Variants in SYT12 observed in about 807,000 individuals in gnomAD.
SYT12 encodes the protein synaptotagmin-12.
Under a neutral mutation model 39.5 loss-of-function variants are expected in SYT12, and 27 were observed. The observed-to-expected ratio is 0.68, with a 90% CI of 0.50 to 0.94. SYT12 has a LOEUF of 0.94. SYT12 is among the 40% of genes least tolerant of loss of function. The pLI is 0.00. For missense variants in SYT12, 536 were observed against 572.6 expected (o/e 0.94, Z 0.65); for synonymous variants, 233 against 239.7 (o/e 0.97, Z 0.26).
chr11:67,043,234 C>T (rs1011798968), intron 4 of SYT12, among the ~76,000 whole-genome samples: 1 of 152,202 alleles, frequency 6.6e-6, no homozygotes, highest in African/African-American at 2.4e-5. Flanking sequence ...CCAGGCTCTG[C>T]AGGAACCTGG....
At chr11:67,044,850 A>G (rs1296297205) in intron 6 of SYT12, 137 bp downstream of exon 6, 4 of 1,320,248 alleles carry the variant, frequency 3.0e-6, no homozygotes, top group East Asian at 2.4e-5. Flanking sequence ...TGCTGAGCCC[A>G]GAAGTCATGC....
At chr11:67,009,018 G>A (rs889633300) in intron 1 of SYT12, among the ~76,000 whole-genome samples, 1 of 151,822 alleles carries the variant, frequency 6.6e-6, no homozygotes, top group Non-Finnish European at 1.5e-5. Context: ...TGGGGCTTTT[G>A]TTGTTGTTTT....
chr11:67,033,158 G>A (rs1161979026), intron 2 of SYT12, among the ~76,000 whole-genome samples: 7 of 103,440 alleles, frequency 6.8e-5, no homozygotes, highest in South Asian at 3.1e-4. Flanking sequence ...TCCCTCCCCC[G>A]GCCACTCTGC....
chr11:67,048,857 C>A lies in SYT12; in HGVS notation c.*100C>A. On this transcript the variant is annotated 3_prime_UTR_variant, in exon 8 of 8. Transcript: ENST00000527043. ...CATAGCCCAGCTGGAGCCGTGAACA[C>A]TGGGGTCCCCTGGCAGAGTCCTCAT... 1 of 1,364,500 alleles carries A rather than the reference C, an allele frequency of 7.3e-7. No individual in the cohort carries two copies. The highest frequency in any genetic ancestry group is 9.9e-7 in the Non-Finnish European group (1 of 1,009,404). 84.5% of individuals were successfully genotyped at this position (1,364,500 alleles called of 1,614,324 possible).
chr11:67,045,656 G>C (rs917150743), intron 6 of SYT12, 88 bp from the exon 7 acceptor site: 1 of 1,533,926 alleles, frequency 6.5e-7, no homozygotes, highest in Admixed American at 2.0e-5. Flanking sequence ...AAGCATTGGG[G>C]AGTTTGGAGT....
intron 3 of SYT12, among the ~76,000 whole-genome samples, chr11:67,015,054 C>T (rs1156550469): frequency 2.0e-5 from 3 of 152,210 alleles, no homozygotes; most frequent in East Asian, 1.9e-4. Context: ...TCCGCTGAGC[C>T]GGTGTGCACC....
chr11:67,034,868 C>T (rs372577524), intron 3 of SYT12, 30 bp downstream of exon 3: 205 of 1,483,804 alleles, frequency 1.4e-4, no homozygotes, highest in Middle Eastern at 1.8e-4. Context: ...AGGTGCACAG[C>T]GAGTGCAACC....
At chr11:67,020,283 C>T (rs900326190), upstream of SYT12, among the ~76,000 whole-genome samples, 1 of 152,066 alleles carries the variant, frequency 6.6e-6, no homozygotes, top group African/African-American at 2.4e-5. Flanking sequence ...GCTTGTCAGG[C>T]GTCAGGAAGG....
rs758922988 is a variant in SYT12 at position 67,048,673 on chromosome 11, T to C, written c.1182T>C (p.Ser394=). 2 of 1,613,024 alleles carry C rather than the reference T, an allele frequency of 1.2e-6. No individual in the cohort carries two copies. The highest frequency in any genetic ancestry group is 2.2e-5 in the South Asian group (2 of 91,074). The change falls in exon 8 of 8, where the codon AGT becomes AGC. Residue 394 remains serine, a synonymous_variant. Transcript: ENST00000527043. Reference sequence around the variant, plus strand: ...ATGTCATCATTGGGCCGTCAGCCAGTGGCATGGGAACCACACATTGGAACC... The same window carrying C: ...ATGTCATCATTGGGCCGTCAGCCAGCGGCATGGGAACCACACATTGGAACC... The part of the protein sequence containing the change: ...VGHVIIGPSA[S]GMGTTHWNQM...
chr11:67,024,013 G>T (rs961435804), intron 1 of SYT12, among the ~76,000 whole-genome samples: 1 of 152,274 alleles, frequency 6.6e-6, no homozygotes, highest in East Asian at 1.9e-4. Flanking sequence ...CTTAGGAGAG[G>T]GGTATGGCGG....
upstream of SYT12, among the ~76,000 whole-genome samples, chr11:67,019,956 G>C (rs1950092629): frequency 6.6e-6 from 1 of 151,152 alleles, no homozygotes; most frequent in African/African-American, 2.4e-5. Context: ...GGGCCCAGCT[G>C]TGTGGCCTTG....
chr11:67,047,895 C>T (rs1367167685), intron 7 of SYT12, among the ~76,000 whole-genome samples: 4 of 141,312 alleles, frequency 2.8e-5, no homozygotes, highest in African/African-American at 1.0e-4. Context: ...TCACGCCATT[C>T]TCCTGCCTCA....
chr11:67,034,936 T>C (rs1950330768), intron 3 of SYT12, 98 bp downstream of exon 3: 2 of 877,938 alleles, frequency 2.3e-6, no homozygotes, highest in African/African-American at 1.8e-5. Flanking sequence ...CGTCACCACC[T>C]CCTCCTGGTT....
intron 1 of SYT12, chr11:67,029,800 C>T (rs1318187048): frequency 1.4e-5 from 3 of 213,688 alleles, no homozygotes; most frequent in African/African-American, 2.3e-5. Flanking sequence ...TGCAGTGAGC[C>T]GAGATCGCGC....
intron 3 of SYT12, among the ~76,000 whole-genome samples, chr11:67,012,698 ACATTTCAGGGTCT>A (rs1950021933): frequency 1.3e-5 from 2 of 152,332 alleles, no homozygotes; most frequent in South Asian, 4.1e-4. Flanking sequence ...AAGAGCTGTC[ACATTTCAGGGTCT>A]CATTTCAGCG....
At chr11:67,045,383 G>T (rs911433146) in intron 6 of SYT12, among the ~76,000 whole-genome samples, 1 of 152,176 alleles carries the variant, frequency 6.6e-6, no homozygotes, top group Non-Finnish European at 1.5e-5. Context: ...AGCCGCACAC[G>T]GTTGAGTCAG....
intron 3 of SYT12, among the ~76,000 whole-genome samples, chr11:67,035,765 CTTTCTTTTCT>C (rs1204891226): frequency 1.3e-5 from 2 of 148,966 alleles, no homozygotes; most frequent in Admixed American, 6.6e-5. Context: ...CCCTTCCTTT[CTTTCTTTTCT>C]TTTCTTTTCT....
In SYT12 at chr11:67,045,732, G is replaced by A. The variant is rs369789304; in HGVS notation, c.959-12G>A. 4.3e-5 allele frequency: 70 copies of A among 1,612,880 alleles called. No individual in the cohort carries two copies. The highest frequency in any genetic ancestry group is 5.2e-5 in the Non-Finnish European group (61 of 1,179,556). ...GTGTGACACTGGCCCTCACCTGTCCGCCTGCCCACAGACCCCTTCGTCAAG... is the reference window on the plus strand; with the variant it reads ...GTGTGACACTGGCCCTCACCTGTCCACCTGCCCACAGACCCCTTCGTCAAG... On this transcript the variant is annotated splice_polypyrimidine_tract_variant and intron_variant, in intron 6 of 7. Coordinates refer to ENST00000527043, the MANE Select transcript of SYT12 (RefSeq NM_177963.4).
At chr11:67,009,511 C>G (rs1397233733) in intron 1 of SYT12, among the ~76,000 whole-genome samples, 1 of 152,064 alleles carries the variant, frequency 6.6e-6, no homozygotes, top group Non-Finnish European at 1.5e-5. Flanking sequence ...AGGCTGGTCT[C>G]GAACTCCTGG....
Sources: allele counts gnomAD v4.1 joint callset (sites outside exome capture counted in the v4.1 genomes callset), GRCh38; gene constraint gnomAD v4.1.1; transcripts MANE v1.5; gene names NCBI Gene and HGNC (gene_info 2026-07-23, HGNC 2026-07-21).